DYM: variants seen among roughly 807,000 people sequenced by gnomAD.
The protein encoded by DYM is dymeclin, also known as dyggve-Melchior-Clausen syndrome protein.
A neutral mutation model predicts 93.1 loss-of-function variants in DYM; 78 were observed. The ratio of observed to expected loss-of-function variants is 0.84; its 90% CI spans 0.70 to 1.01. The LOEUF (loss-of-function observed/expected upper bound fraction) is 1.01, where lower values mean the gene tolerates loss of function less well. Among genes scored for constraint, DYM ranks in the 50% least tolerant of loss-of-function variants. The pLI, the probability that DYM is intolerant of heterozygous loss-of-function variation, is 0.00. For synonymous variants in DYM, 321 were observed against 319.7 expected (o/e 1.00, Z -0.04); for missense variants, 789 against 845.0 (o/e 0.93, Z 0.82).
At position 49,425,010 on chromosome 18, in the gene DYM, C is replaced by T. The variant is rs138726116; in HGVS notation, c.140+5245G>A. On this transcript the variant is annotated intron_variant, in intron 2 of 17. Transcript: ENST00000675505. The stretch of plus-strand genomic sequence containing the variant: ...TTCAATGCCATCCCCATCAAGCTAC[C>T]GATGACTTTCTTTACAGAATTGGAA... 1.4e-4 allele frequency among the ~76,000 whole-genome samples: 21 copies of T among 152,178 alleles called. No individual in the cohort carries two copies. The East Asian group carries it at 3.7e-3, about 27-fold the overall frequency.
intron 17 of DYM, among the ~76,000 whole-genome samples, chr18:49,093,869 G>T (rs772703013): frequency 6.6e-6 from 1 of 152,174 alleles, no homozygotes; most frequent in African/African-American, 2.4e-5. Context: ...TAGTTGATAT[G>T]ATTTTTTATA....
chr18:49,317,604 C>CTCTCTCT (rs1197711626), intron 8 of DYM, among the ~76,000 whole-genome samples: 5 of 12,886 alleles, frequency 3.9e-4, no homozygotes, highest in African/African-American at 1.3e-3. Context: ...TCTCCCCCCT[C>CTCTCTCT]CCCCCTCCCT....
chr18:49,407,488 A>G (rs374052363), intron 2 of DYM, among the ~76,000 whole-genome samples: 1 of 152,354 alleles, frequency 6.6e-6, no homozygotes, highest in South Asian at 2.1e-4. Flanking sequence ...GAAGCTTACA[A>G]TCATTGCAGA....
At chr18:49,453,827 G>A (rs1008861926) in intron 1 of DYM, among the ~76,000 whole-genome samples, 1 of 152,152 alleles carries the variant, frequency 6.6e-6, no homozygotes, top group African/African-American at 2.4e-5. Context: ...TGCAAAGAAG[G>A]TTATAAAGGA....
At chr18:49,174,210 G>A (rs1010020335) in intron 14 of DYM, among the ~76,000 whole-genome samples, 2 of 124,792 alleles carry the variant, frequency 1.6e-5, no homozygotes, top group African/African-American at 6.1e-5. Flanking sequence ...GGGTCCCAAT[G>A]GTATCTTTTT....
Position 49,287,816 on chromosome 18 carries a change from G to A in DYM, c.764-1200C>T, listed in dbSNP as rs575020882. On this transcript the variant is annotated intron_variant, in intron 8 of 17. Coordinates refer to ENST00000675505, the MANE Select transcript of DYM (RefSeq NM_001353214.3). ...GCTGAGATCGCGCCACAACAAGAGC[G>A]AAACTCCGTCTCAAAAAAAAAAAAA... Among the ~76,000 whole-genome samples, 19 of 114,136 alleles carry A rather than the reference G, an allele frequency of 1.7e-4. No homozygotes were observed. In the East Asian group the frequency reaches 3.7e-3, roughly 22 times the overall value. 74.9% of individuals were successfully genotyped at this position (114,136 alleles called of 152,430 possible). A position where few individuals can be genotyped will look rare whatever the true frequency, so the allele number is the denominator to read the frequency against.
chr18:49,074,085 C>A (rs1305975164), intron 17 of DYM, among the ~76,000 whole-genome samples: 2 of 152,296 alleles, frequency 1.3e-5, no homozygotes, highest in Non-Finnish European at 2.9e-5. Context: ...CAGCTAGGTT[C>A]TTTTGGCCTC....
chr18:49,292,355 G>GACAGACAGACAGACACACACACAC, intron 8 of DYM, among the ~76,000 whole-genome samples: 1 of 84,744 alleles, frequency 1.2e-5, no homozygotes, highest in South Asian at 4.5e-4. Flanking sequence ...CAGACAGACA[G>GACAGACAGACAGACACACACACAC]ACACACACAC....
chr18:49,258,855 G>C (rs1481928264), intron 11 of DYM, among the ~76,000 whole-genome samples: 20 of 101,580 alleles, frequency 2.0e-4, no homozygotes, highest in South Asian at 9.1e-4. Context: ...GAGAGAGAGA[G>C]AGAGAGAGAG....
intron 14 of DYM, among the ~76,000 whole-genome samples, chr18:49,209,285 C>T (rs1037647311): frequency 5.3e-5 from 8 of 152,198 alleles, no homozygotes; most frequent in African/African-American, 1.4e-4. Context: ...AAATGGAATG[C>T]GGTATAGAAT....
intron 11 of DYM, among the ~76,000 whole-genome samples, chr18:49,270,134 G>C (rs773249281): frequency 6.6e-6 from 1 of 152,136 alleles, no homozygotes; most frequent in Admixed American, 6.5e-5. Context: ...ACACTATCTT[G>C]GCTGTGTAAG....
intron 13 of DYM, among the ~76,000 whole-genome samples, chr18:49,233,773 A>G (rs2093778729): frequency 1.3e-5 from 2 of 152,166 alleles, no homozygotes; most frequent in African/African-American, 2.4e-5. Context: ...GTATGATCCC[A>G]TGGTGAATTC....
At chr18:49,094,818 A>G (rs904969607) in intron 17 of DYM, among the ~76,000 whole-genome samples, 2 of 152,188 alleles carry the variant, frequency 1.3e-5, no homozygotes, top group Admixed American at 1.3e-4. Context: ...AATGCAAGGG[A>G]AAGTTCTAAA....
chr18:49,045,546 G>A (rs12606199), intron 17 of DYM, among the ~76,000 whole-genome samples: 15,625 of 152,236 alleles, frequency 0.1, 1,086 homozygotes, highest in East Asian at 0.26. Context: ...GGCAGGCACT[G>A]TGTGGGCCAG....
At chr18:49,308,049 T>C (rs1432738953) in intron 8 of DYM, among the ~76,000 whole-genome samples, 1 of 152,136 alleles carries the variant, frequency 6.6e-6, no homozygotes, top group East Asian at 1.9e-4. Flanking sequence ...AATGACAAAA[T>C]AAAATGACAT....
At chr18:49,295,406 G>A (rs1436549921) in intron 8 of DYM, among the ~76,000 whole-genome samples, 1 of 152,064 alleles carries the variant, frequency 6.6e-6, no homozygotes, top group East Asian at 1.9e-4. Flanking sequence ...CCAACAAATG[G>A]GATATGAACG....
intron 13 of DYM, among the ~76,000 whole-genome samples, chr18:49,237,164 C>G (rs1340578322): frequency 2.0e-5 from 3 of 152,126 alleles, no homozygotes; most frequent in African/African-American, 7.2e-5. Context: ...CCCAAGATCA[C>G]ACGGCTGGCA....
intron 16 of DYM, among the ~76,000 whole-genome samples, chr18:49,104,213 T>G (rs2080520366): frequency 1.3e-5 from 2 of 152,322 alleles, no homozygotes; most frequent in South Asian, 4.2e-4. Context: ...GCTCTCTGTT[T>G]GTCTGTTATT....
intron 16 of DYM, among the ~76,000 whole-genome samples, chr18:49,106,775 G>T (rs1264825214): frequency 6.6e-6 from 1 of 152,234 alleles, no homozygotes; most frequent in African/African-American, 2.4e-5. Context: ...CGAGAGATCA[G>T]CTGTTAGTCT....
Sources: gnomAD v4.1 joint callset for allele counts (sites outside exome capture counted in the v4.1 genomes callset) on GRCh38, gnomAD v4.1.1 for gene constraint, MANE v1.5 for transcripts, NCBI Gene and HGNC (gene_info 2026-07-23, HGNC 2026-07-21) for gene names.